Variants in ACBD3 observed in about 807,000 individuals in gnomAD.
ACBD3 encodes Golgi resident protein GCP60.
A neutral mutation model predicts 66.9 loss-of-function variants in ACBD3; 30 were observed. That is an observed-to-expected ratio of 0.45 (90% confidence interval 0.34 to 0.61). The LOEUF is 0.61. Ranked by LOEUF, ACBD3 falls within the 20% of genes least tolerant of loss-of-function variation. ACBD3 has a pLI of 0.02. For synonymous variants in ACBD3, 278 were observed against 259.8 expected (o/e 1.07, Z -0.68); for missense variants, 544 against 664.5 (o/e 0.82, Z 1.99).
At chr1:226,165,306 G>A (rs1210379660) in intron 2 of ACBD3, among the ~76,000 whole-genome samples, 1 of 152,020 alleles carries the variant, frequency 6.6e-6, no homozygotes, top group Non-Finnish European at 1.5e-5. Flanking sequence ...GAGTAGGTAG[G>A]ATTACAGGCA....
chr1:226,154,329 T>A (rs1659631578), intron 6 of ACBD3, among the ~76,000 whole-genome samples: 2 of 151,930 alleles, frequency 1.3e-5, no homozygotes, highest in Non-Finnish European at 2.9e-5. Flanking sequence ...TGCCTCAGCC[T>A]CCCAGAGTGC....
At chr1:226,185,721 T>C (rs1656283968) in intron 1 of ACBD3, among the ~76,000 whole-genome samples, 1 of 152,176 alleles carries the variant, frequency 6.6e-6, no homozygotes, top group Admixed American at 6.5e-5. Context: ...GGCCTTACTC[T>C]GAGAATTCAC....
chr1:226,162,664 G>C (rs1659792717), intron 3 of ACBD3, among the ~76,000 whole-genome samples: 1 of 152,066 alleles, frequency 6.6e-6, no homozygotes, highest in Admixed American at 6.6e-5. Context: ...AGGAGTATCA[G>C]ATAAGACACT....
At chr1:226,163,520 G>A (rs955493602) in intron 3 of ACBD3, among the ~76,000 whole-genome samples, 6 of 151,756 alleles carry the variant, frequency 4.0e-5, no homozygotes, top group African/African-American at 9.7e-5. Context: ...AATTTCTTTG[G>A]ATAAATATCT....
intron 1 of ACBD3, among the ~76,000 whole-genome samples, chr1:226,172,437 G>A (rs1655851472): frequency 6.6e-6 from 1 of 152,136 alleles, no homozygotes. Context: ...CAGCTGCAGT[G>A]GCATGCACCT....
chr1:226,181,458 TCTA>T (rs200547642), intron 1 of ACBD3, among the ~76,000 whole-genome samples: 1 of 151,948 alleles, frequency 6.6e-6, no homozygotes, highest in Admixed American at 6.6e-5. Context: ...CATATAATAC[TCTA>T]CTATCAGTAA....
chr1:226,163,420 G>A (rs937067359), intron 3 of ACBD3, among the ~76,000 whole-genome samples: 3 of 151,814 alleles, frequency 2.0e-5, no homozygotes, highest in Non-Finnish European at 4.4e-5. Context: ...ACTACACAAT[G>A]GACTGTAGGA....
intron 7 of ACBD3, among the ~76,000 whole-genome samples, chr1:226,149,340 C>A (rs913434345): frequency 6.6e-6 from 1 of 151,414 alleles, no homozygotes; most frequent in East Asian, 1.9e-4. Context: ...GATTCTCCTG[C>A]CTCAGTCTCC....
intron 1 of ACBD3, among the ~76,000 whole-genome samples, chr1:226,170,492 A>T (rs926177754): frequency 9.9e-5 from 15 of 151,790 alleles, no homozygotes; most frequent in Admixed American, 2.6e-4. Context: ...TTTAAGAATA[A>T]ACTCAATTAA....
intron 5 of ACBD3, among the ~76,000 whole-genome samples, chr1:226,157,730 T>C (rs929599311): frequency 6.6e-6 from 1 of 151,960 alleles, no homozygotes. Context: ...TTTTAAGAGA[T>C]GGGGTCTCCC....
At chr1:226,150,696 A>AT (rs1463716768) in intron 7 of ACBD3, among the ~76,000 whole-genome samples, 1 of 151,486 alleles carries the variant, frequency 6.6e-6, no homozygotes, top group Non-Finnish European at 1.5e-5. Context: ...TCAATCTTAC[A>AT]TTTTTTCTTT....
chr1:226,170,137 G>A (rs1246210738), intron 1 of ACBD3, among the ~76,000 whole-genome samples: 6 of 144,974 alleles, frequency 4.1e-5, no homozygotes, highest in Non-Finnish European at 7.5e-5. Context: ...GACTGAGAGT[G>A]CATTTTTCCT....
chr1:226,166,875 C>T (rs1659886566), intron 1 of ACBD3, among the ~76,000 whole-genome samples: 2 of 152,186 alleles, frequency 1.3e-5, no homozygotes, highest in African/African-American at 2.4e-5. Context: ...AGTCAGGCTA[C>T]AGCCTTGACC....
Position 226,164,676 on chromosome 1 carries a change from A to T in ACBD3, c.569+113T>A, listed in dbSNP as rs1659838398. 3.3e-6 allele frequency: 4 copies of T among 1,216,892 alleles called. No homozygotes were observed. In the South Asian group the frequency reaches 9.7e-5, roughly 30 times the overall value. 75.4% of individuals were successfully genotyped at this position (1,216,892 alleles called of 1,614,324 possible). ...TGAACAATTGCCACAAGAAATGGGG[A>T]TCCAAGGAAAGCAAGACACCTGATC... is the stretch of plus-strand genomic sequence containing the variant. On this transcript the variant is annotated intron_variant, in intron 3 of 7. Transcript: ENST00000366812.
At chr1:226,182,002 G>T (rs937212237) in intron 1 of ACBD3, among the ~76,000 whole-genome samples, 1 of 152,090 alleles carries the variant, frequency 6.6e-6, no homozygotes, top group African/African-American at 2.4e-5. Context: ...AGGCCAAGGC[G>T]GGTGAATCGC....
rs368527034 is a variant in ACBD3, at chr1:226,152,297, C to T, written c.1375+38G>A. ...ACTATGTACCATTTCTGCCAACACACAACCCAGCAGCTACTGAATATGGAC... is the reference window on the plus strand; with the variant it reads ...ACTATGTACCATTTCTGCCAACACATAACCCAGCAGCTACTGAATATGGAC... On this transcript the variant is annotated intron_variant, in intron 7 of 7. Coordinates refer to ENST00000366812, the MANE Select transcript of ACBD3 (RefSeq NM_022735.4). The T allele has an allele frequency of 4.1e-5, 66 of 1,602,740 alleles. No individual in the cohort carries two copies. In the Middle Eastern group the frequency reaches 8.1e-4, roughly 20 times the overall value.
chr1:226,147,657 G>C (rs1659481763), intron 7 of ACBD3, among the ~76,000 whole-genome samples: 1 of 152,152 alleles, frequency 6.6e-6, no homozygotes, highest in Admixed American at 6.6e-5. Context: ...TAGGCATTCA[G>C]AGATACTCTG....
At chr1:226,162,501 C>A (rs1479715679) in intron 3 of ACBD3, among the ~76,000 whole-genome samples, 1 of 152,028 alleles carries the variant, frequency 6.6e-6, no homozygotes, top group African/African-American at 2.4e-5. Context: ...GAACGGTTAA[C>A]CTCTCAGGGC....
At chr1:226,181,727 G>A (rs896789630) in intron 1 of ACBD3, among the ~76,000 whole-genome samples, 2 of 152,098 alleles carry the variant, frequency 1.3e-5, no homozygotes, top group African/African-American at 4.8e-5. Flanking sequence ...TTAAATTAAT[G>A]TAAACAATCT....
Sources: gnomAD v4.1 joint callset for allele counts (sites outside exome capture counted in the v4.1 genomes callset) on GRCh38, gnomAD v4.1.1 for gene constraint, MANE v1.5 for transcripts, NCBI Gene and HGNC (gene_info 2026-07-23, HGNC 2026-07-21) for gene names.